PID1: variants seen among roughly 807,000 people sequenced by gnomAD.
PID1 encodes the protein PTB-containing, cubilin and LRP1-interacting protein.
Under a neutral mutation model 19.1 loss-of-function variants are expected in PID1, and 10 were observed. That is an observed-to-expected ratio of 0.52 (90% CI 0.32 to 0.89). The LOEUF (loss-of-function observed/expected upper bound fraction) is 0.89, where lower values mean the gene tolerates loss of function less well. PID1 is among the 40% of genes least tolerant of loss of function. The pLI is 0.03. For missense variants in PID1, 248 were observed against 285.3 expected (o/e 0.87, Z 0.94); for synonymous variants, 130 against 116.0 (o/e 1.12, Z -0.78).
chr2:229,040,992 T>C (rs1693759591), intron 2 of PID1, among the ~76,000 whole-genome samples: 1 of 152,176 alleles, frequency 6.6e-6, no homozygotes, highest in Non-Finnish European at 1.5e-5. Context: ...TCCAAATCCA[T>C]GGCTTTCAAT....
At chr2:229,128,602 C>T (rs114870401) in intron 2 of PID1, among the ~76,000 whole-genome samples, 3,070 of 152,112 alleles carry the variant, frequency 0.02, 47 homozygotes, top group Middle Eastern at 0.061. Flanking sequence ...AAACGCTATA[C>T]AAAGAACCAT....
intron 1 of PID1, among the ~76,000 whole-genome samples, chr2:229,215,981 G>A (rs73998591): frequency 0.036 from 5,451 of 152,198 alleles, 286 homozygotes; most frequent in African/African-American, 0.12. Context: ...TCTGCAGAAC[G>A]TGGTCTGGAA....
chr2:229,038,748 A>G (rs1209724467), intron 2 of PID1, among the ~76,000 whole-genome samples: 1 of 152,190 alleles, frequency 6.6e-6, no homozygotes, highest in Non-Finnish European at 1.5e-5. Context: ...ATTAAGCAAC[A>G]GTTATGAAAT....
intron 1 of PID1, among the ~76,000 whole-genome samples, chr2:229,217,709 C>CAT (rs1691878882): frequency 6.6e-6 from 1 of 152,188 alleles, no homozygotes; most frequent in Non-Finnish European, 1.5e-5. Context: ...CATTATTTCC[C>CAT]AAGTTCCTCA....
intron 1 of PID1, among the ~76,000 whole-genome samples, chr2:229,182,319 G>A (rs988059633): frequency 6.6e-6 from 1 of 152,038 alleles, no homozygotes; most frequent in African/African-American, 2.4e-5. Flanking sequence ...GAAGGAAAGA[G>A]GTAGAGAGTA....
intron 2 of PID1, among the ~76,000 whole-genome samples, chr2:229,143,881 G>T (rs556163072): frequency 2.6e-5 from 4 of 152,228 alleles, no homozygotes; most frequent in Non-Finnish European, 4.4e-5. Flanking sequence ...GTGTGGAACT[G>T]TGAGTCAATT....
chr2:229,155,709 T>C lies in PID1; in HGVS notation c.177+109A>G, dbSNP rs1363967601. The C allele has an allele frequency of 2.9e-6, 3 of 1,025,696 alleles. No individual in the cohort carries two copies. In the African/African-American group the frequency reaches 4.9e-5, roughly 17 times the overall value. The allele number at this position is 1,025,696 out of a possible 1,614,324, so 63.5% of individuals were successfully genotyped here. ...TGTGAATTTATTTTGTTGGTCATTT[T>C]ATATTTTCATTCTTAAAAATGATTA... is the stretch of plus-strand genomic sequence containing the variant. On this transcript the variant is annotated intron_variant, in intron 2 of 2. Transcript: ENST00000392055.
chr2:229,063,798 T>C (rs1299212587), intron 2 of PID1, among the ~76,000 whole-genome samples: 2 of 152,146 alleles, frequency 1.3e-5, no homozygotes, highest in Non-Finnish European at 2.9e-5. Context: ...TATATACTTA[T>C]ATATGATTTG....
At chr2:229,221,301 T>C (rs1378850460) in intron 1 of PID1, among the ~76,000 whole-genome samples, 2 of 152,228 alleles carry the variant, frequency 1.3e-5, no homozygotes, top group African/African-American at 4.8e-5. Flanking sequence ...ATGTATCTAC[T>C]GCATCACTTT....
At chr2:229,244,227 C>G (rs557988449) in intron 1 of PID1, among the ~76,000 whole-genome samples, 1 of 152,262 alleles carries the variant, frequency 6.6e-6, no homozygotes, top group East Asian at 1.9e-4. Flanking sequence ...CCTTGTTAAG[C>G]AGTCAGCATA....
intron 1 of PID1, among the ~76,000 whole-genome samples, chr2:229,170,559 T>C (rs532840501): frequency 2.9e-4 from 44 of 152,336 alleles, no homozygotes; most frequent in Non-Finnish European, 5.7e-4. Context: ...ACAGCAGCTA[T>C]TATCAGGTTG....
intron 1 of PID1, among the ~76,000 whole-genome samples, chr2:229,191,221 T>C (rs572146893): frequency 4.7e-4 from 71 of 152,092 alleles, no homozygotes; most frequent in African/African-American, 1.4e-3. Context: ...CTTTAGAAAA[T>C]GTCATGTGTC....
intron 1 of PID1, among the ~76,000 whole-genome samples, chr2:229,236,924 C>A (rs537585506): frequency 2.6e-5 from 4 of 151,364 alleles, no homozygotes; most frequent in Admixed American, 2.6e-4. Context: ...CTATTTCATA[C>A]TACAACATCA....
chr2:229,260,816 C>CTTTTT (rs1319033110), intron 1 of PID1, among the ~76,000 whole-genome samples: 5 of 121,184 alleles, frequency 4.1e-5, no homozygotes, highest in Admixed American at 9.4e-5. Context: ...TTCTGATTGC[C>CTTTTT]ATTTTTTTTT....
intron 2 of PID1, among the ~76,000 whole-genome samples, chr2:229,122,802 G>A (rs1695548616): frequency 6.6e-6 from 1 of 152,106 alleles, no homozygotes; most frequent in Non-Finnish European, 1.5e-5. Context: ...CTCAGTGTAG[G>A]TGGTGTGGAA....
At chr2:229,190,572 T>C (rs960813217) in intron 1 of PID1, among the ~76,000 whole-genome samples, 2 of 152,086 alleles carry the variant, frequency 1.3e-5, no homozygotes, top group Admixed American at 6.6e-5. Flanking sequence ...AGAAGAAGAG[T>C]CCAGGGCAGG....
chr2:229,197,615 C>T (rs536334269), intron 1 of PID1, among the ~76,000 whole-genome samples: 4 of 151,908 alleles, frequency 2.6e-5, no homozygotes, highest in Non-Finnish European at 4.4e-5. Flanking sequence ...ATAGAAATAA[C>T]GCATGTTTAG....
At chr2:229,049,946 T>C (rs1330064995) in intron 2 of PID1, among the ~76,000 whole-genome samples, 1 of 152,172 alleles carries the variant, frequency 6.6e-6, no homozygotes, top group African/African-American at 2.4e-5. Flanking sequence ...TGCATAGAAG[T>C]ATTTATATAT....
At chr2:229,150,741 G>A (rs1472349928) in intron 2 of PID1, among the ~76,000 whole-genome samples, 1 of 151,694 alleles carries the variant, frequency 6.6e-6, no homozygotes, top group African/African-American at 2.4e-5. Context: ...CTGTGGAACG[G>A]GTATTGTACA....
Sources: gnomAD v4.1 joint callset for allele counts (sites outside exome capture counted in the v4.1 genomes callset) on GRCh38, gnomAD v4.1.1 for gene constraint, MANE v1.5 for transcripts, NCBI Gene and HGNC (gene_info 2026-07-23, HGNC 2026-07-21) for gene names.